Variants in LRRIQ1 observed in about 807,000 individuals in gnomAD.
The protein encoded by LRRIQ1 is leucine rich repeats and IQ motif containing 1.
Under a neutral mutation model 211.9 loss-of-function variants are expected in LRRIQ1, and 210 were observed. The observed-to-expected ratio is 0.99, with a 90% confidence interval of 0.89 to 1.11. The LOEUF is 1.11. Ranked by LOEUF, LRRIQ1 falls within the 50% of genes most tolerant of loss-of-function variation. The probability of loss-of-function intolerance (pLI) is 0.00; values close to 1 mark genes in which losing one functional copy is unlikely to be tolerated. For missense variants in LRRIQ1, 2,136 were observed against 1,939.5 expected (o/e 1.10, Z -1.90); for synonymous variants, 699 against 650.1 (o/e 1.08, Z -1.14).
In LRRIQ1 at chr12:85,238,723, G is replaced by A. The variant is rs142859079; in HGVS notation, c.5016+5967G>A. On this transcript the variant is annotated intron_variant, in intron 26 of 26. Transcript: ENST00000393217. ...TGTGGTAAAAATTCATAGAAAATTA[G>A]GACTAGAAGACACTTTCTTAACTTG... 1.8e-4 allele frequency among the ~76,000 whole-genome samples: 28 copies of A among 152,092 alleles called. No homozygotes were observed. In the East Asian group the frequency reaches 5.4e-3, roughly 29 times the overall value.
At chr12:85,157,983 A>T (rs1193947007) in intron 23 of LRRIQ1, among the ~76,000 whole-genome samples, 3 of 151,974 alleles carry the variant, frequency 2.0e-5, no homozygotes, top group African/African-American at 7.2e-5. Flanking sequence ...GGGAGGGACC[A>T]GCAGGGAATA....
chr12:85,075,546 A>G (rs1052730268), intron 11 of LRRIQ1, among the ~76,000 whole-genome samples: 30 of 151,948 alleles, frequency 2.0e-4, no homozygotes, highest in African/African-American at 7.0e-4. Flanking sequence ...ATATTGCCAT[A>G]CACTTTTAAA....
chr12:85,215,161 T>A (rs1452124320), intron 24 of LRRIQ1, among the ~76,000 whole-genome samples: 1 of 152,148 alleles, frequency 6.6e-6, no homozygotes, highest in Non-Finnish European at 1.5e-5. Flanking sequence ...AACTTAGTAT[T>A]ATAGAGGACA....
At chr12:85,165,716 G>A (rs1310717672) in intron 24 of LRRIQ1, among the ~76,000 whole-genome samples, 1 of 151,968 alleles carries the variant, frequency 6.6e-6, no homozygotes, top group Non-Finnish European at 1.5e-5. Flanking sequence ...CAATCCACCC[G>A]CCTTGGCCTC....
intron 15 of LRRIQ1, among the ~76,000 whole-genome samples, chr12:85,109,629 T>C (rs141055325): frequency 2.9e-4 from 44 of 152,230 alleles, no homozygotes; most frequent in African/African-American, 1.0e-3. Flanking sequence ...TCAGTCATCA[T>C]CACCTGGAAA....
At chr12:85,250,332 G>C (rs1385935004) in intron 1 of LRRIQ1, among the ~76,000 whole-genome samples, 11 of 151,666 alleles carry the variant, frequency 7.3e-5, no homozygotes. Context: ...AAATATAATT[G>C]CTCCATATGT....
chr12:85,195,769 A>G (rs1478885940), intron 24 of LRRIQ1, among the ~76,000 whole-genome samples: 7 of 152,140 alleles, frequency 4.6e-5, no homozygotes, highest in Admixed American at 1.3e-4. Context: ...CTGGCACAAG[A>G]CAGGGATGCC....
chr12:85,117,888 C>T (rs1201141430), intron 15 of LRRIQ1, among the ~76,000 whole-genome samples: 1 of 152,088 alleles, frequency 6.6e-6, no homozygotes, highest in African/African-American at 2.4e-5. Context: ...GAAAACTTGA[C>T]TGAGTAATTT....
At chr12:85,263,624 A>G (rs1192382629) in exon 2 of LRRIQ1, 1 of 151,960 alleles carries the variant, frequency 6.6e-6, no homozygotes, top group African/African-American at 2.4e-5. Context: ...TAAAATAGAA[A>G]TTTAAGTAAT....
At chr12:85,267,025 TC>T (rs1054512210), downstream of LRRIQ1, among the ~76,000 whole-genome samples, 7 of 152,136 alleles carry the variant, frequency 4.6e-5, no homozygotes. Context: ...GTTCATAATT[TC>T]CTTGTGGAGG....
intron 11 of LRRIQ1, among the ~76,000 whole-genome samples, chr12:85,090,314 A>G (rs1157112337): frequency 6.6e-6 from 1 of 152,192 alleles, no homozygotes; most frequent in African/African-American, 2.4e-5. Context: ...GGCCCGACAC[A>G]GTCTCTACTG....
At chr12:85,247,504 C>T (rs1396568639), downstream of LRRIQ1, among the ~76,000 whole-genome samples, 1 of 151,454 alleles carries the variant, frequency 6.6e-6, no homozygotes, top group Admixed American at 6.6e-5. Context: ...GATTTAAAAT[C>T]CCAGTTCCAC....
chr12:85,039,535 T>C (rs555125226), intron 2 of LRRIQ1, among the ~76,000 whole-genome samples: 1 of 151,764 alleles, frequency 6.6e-6, no homozygotes, highest in African/African-American at 2.4e-5. Flanking sequence ...TTACATGCTT[T>C]TCTGTAGTAC....
At chr12:85,170,117 G>T (rs1214443123) in intron 24 of LRRIQ1, among the ~76,000 whole-genome samples, 2 of 151,904 alleles carry the variant, frequency 1.3e-5, no homozygotes, top group African/African-American at 2.4e-5. Context: ...TCAGGGAATG[G>T]CAATCTAAGG....
At chr12:85,165,457 T>C (rs971874575) in intron 24 of LRRIQ1, among the ~76,000 whole-genome samples, 13 of 150,982 alleles carry the variant, frequency 8.6e-5, no homozygotes, top group Middle Eastern at 3.4e-3. Context: ...GGAAAGGACA[T>C]GATTTCTTAC....
intron 13 of LRRIQ1, among the ~76,000 whole-genome samples, chr12:85,103,512 T>G (rs1006132169): frequency 6.6e-6 from 1 of 151,760 alleles, no homozygotes; most frequent in Non-Finnish European, 1.5e-5. Flanking sequence ...GATTAGTTAG[T>G]TCTCCTGTTG....
chr12:85,069,407 G>A (rs1882826808), intron 10 of LRRIQ1, among the ~76,000 whole-genome samples: 2 of 152,048 alleles, frequency 1.3e-5, no homozygotes, highest in Admixed American at 6.6e-5. Flanking sequence ...ACATACATGT[G>A]CATGTGTCTT....
chr12:85,242,509 A>G (rs1362657515), intron 26 of LRRIQ1, among the ~76,000 whole-genome samples: 1 of 151,912 alleles, frequency 6.6e-6, no homozygotes, highest in Admixed American at 6.6e-5. Context: ...GCATCCATGG[A>G]TTTTGTTATC....
intron 24 of LRRIQ1, among the ~76,000 whole-genome samples, chr12:85,194,668 A>T (rs1592951104): frequency 6.6e-6 from 1 of 152,154 alleles, no homozygotes; most frequent in East Asian, 1.9e-4. Flanking sequence ...GGATGATTCA[A>T]AGCAGTGTGT....
Sources: gnomAD v4.1 joint callset for allele counts (sites outside exome capture counted in the v4.1 genomes callset) on GRCh38, gnomAD v4.1.1 for gene constraint, MANE v1.5 for transcripts, NCBI Gene and HGNC (gene_info 2026-07-23, HGNC 2026-07-21) for gene names.